Variants in HDAC10 observed in about 807,000 individuals in gnomAD.
The protein encoded by HDAC10 is polyamine deacetylase HDAC10.
HDAC10 carries 90 observed loss-of-function variants against 82.3 expected under a neutral mutation model. The observed-to-expected ratio is 1.09, with a 90% CI of 0.92 to 1.30. The LOEUF (loss-of-function observed/expected upper bound fraction) is 1.30, where lower values mean the gene tolerates loss of function less well. Among genes scored for constraint, HDAC10 ranks in the 50% most tolerant of loss-of-function variants. The pLI is 0.00. For synonymous variants in HDAC10, 456 were observed against 391.7 expected (o/e 1.16, Z -1.94); for missense variants, 934 against 876.3 (o/e 1.07, Z -0.83).
At chr22:50,246,224 A>G (rs977913666) in intron 17 of HDAC10, 74 bp downstream of exon 17, 60 of 1,527,478 alleles carry the variant, frequency 3.9e-5, no homozygotes, top group African/African-American at 3.3e-4. Context: ...TATCATGACA[A>G]TGCCAGCAAA....
rs1187750992 is a variant in HDAC10, at chr22:50,245,416, G to A, written c.*91C>T. ...CGGGGTTCCGTGCCCCAGAGTCGAG[G>A]GAGCCGTGGGCTTGGGGTCCGGATC... On this transcript the variant is annotated 3_prime_UTR_variant, in exon 20 of 20. Transcript: ENST00000216271. 7 of 714,036 alleles carry A rather than the reference G, an allele frequency of 9.8e-6. No homozygotes were observed. The highest frequency in any genetic ancestry group is 1.6e-5 in the Non-Finnish European group (6 of 386,348). 44.2% of individuals were successfully genotyped at this position (714,036 alleles called of 1,614,324 possible).
rs760352851 is a variant in HDAC10, at chr22:50,245,821, T to G, written c.1840A>C (p.Thr614Pro). Residue 614 changes from threonine to proline, a missense_variant, in exon 19 of 20, where the codon ACA (threonine) becomes CCA (proline). Thr to Pro is a conservative substitution (Grantham distance 38). Transcript: ENST00000216271. ...RVLALLEENS[T>P]PQLAGILARV... ...GCCAGGATCCCTGCTAGCTGGGGTG[T>G]GGAGTTCTGGACCAGGGGCGAAGAC... is the stretch of plus-strand genomic sequence containing the variant. 1.3e-5 allele frequency: 21 copies of G among 1,571,046 alleles called. No homozygotes were observed. The highest frequency in any genetic ancestry group is 1.7e-5 in the Non-Finnish European group (20 of 1,158,248).
rs931705298 is a variant in HDAC10, at chr22:50,245,448, G to C, written c.*59C>G. 1.5e-4 allele frequency: 108 copies of C among 742,706 alleles called. No individual in the cohort carries two copies. Among genetic ancestry groups the C allele is most frequent in the Middle Eastern group, 3.5e-4 (1 of 2,852 alleles). 46.0% of individuals were successfully genotyped at this position (742,706 alleles called of 1,614,324 possible). A position where few individuals can be genotyped will look rare whatever the true frequency, so the allele number is the denominator to read the frequency against. On this transcript the variant is annotated 3_prime_UTR_variant, in exon 20 of 20. Coordinates refer to ENST00000216271, the MANE Select transcript of HDAC10 (RefSeq NM_032019.6). ...TGGGCTTGGGGTCCGGATCGCGGCC[G>C]CGGGGCGCTGGCGTGCGGTGTCATT...
Position 50,251,090 on chromosome 22 carries a change from G to A in HDAC10, c.-58C>T. Reference sequence around the variant, plus strand: ...GCCCTCGCTAGTGGTGCCTGCCACTGCCTGTCCCCACCTTCGGCCGGGAGC... The same window carrying A: ...GCCCTCGCTAGTGGTGCCTGCCACTACCTGTCCCCACCTTCGGCCGGGAGC... On this transcript the variant is annotated 5_prime_UTR_variant, in exon 1 of 20. Coordinates refer to ENST00000216271, the MANE Select transcript of HDAC10 (RefSeq NM_032019.6). 6.6e-7 allele frequency: 1 copy of A among 1,521,892 alleles called. No homozygotes were observed. The highest frequency in any genetic ancestry group is 9.0e-7 in the Non-Finnish European group (1 of 1,112,232). 94.3% of individuals were successfully genotyped at this position (1,521,892 alleles called of 1,614,324 possible).
At chr22:50,250,396 T>C in intron 3 of HDAC10, 31 bp downstream of exon 3, 2 of 1,600,350 alleles carry the variant, frequency 1.2e-6, no homozygotes, top group Non-Finnish European at 1.7e-6. Flanking sequence ...CATGTGTGTC[T>C]GCACAGGTGA....
chr22:50,247,819 C>T (rs2064992696), intron 13 of HDAC10, 43 bp from the exon 14 acceptor site: 7 of 1,612,468 alleles, frequency 4.3e-6, no homozygotes, highest in East Asian at 4.5e-5. Context: ...ACGGAGTGAC[C>T]GCAGGTCAGG....
rs2065035681 is a variant in HDAC10 at position 50,249,538 on chromosome 22, G to A, written c.564-84C>T. 11 of 1,605,784 alleles carry A rather than the reference G, an allele frequency of 6.9e-6. No homozygotes were observed. The highest frequency in any genetic ancestry group is 8.5e-6 in the Non-Finnish European group (10 of 1,174,686). ...CTCCCTGTAGAACGCTGACCCCTGA[G>A]CACATGTCTGTATCTCACCCCTGGA... On this transcript the variant is annotated intron_variant, in intron 6 of 19. Coordinates refer to ENST00000216271, the MANE Select transcript of HDAC10 (RefSeq NM_032019.6). The surrounding 1 kb of genome is among the most constrained non-coding windows in gnomAD (Gnocchi z 4.4).
chr22:50,250,464 G>C lies in HDAC10; in HGVS notation c.254C>G (p.Ala85Gly), dbSNP rs186782930. 1.2e-6 allele frequency: 2 copies of C among 1,612,980 alleles called. No homozygotes were observed. The highest frequency in any genetic ancestry group is 1.7e-6 in the Non-Finnish European group (2 of 1,179,966). The change falls in exon 3 of 20, where the codon GCG (alanine) becomes GGG (glycine). Residue 85 changes from alanine to glycine, a missense_variant. Transcript: ENST00000216271. ...TQVLGKEELQ[A>G]LSGQFDAIYF... is the part of the protein sequence containing the mutation. ...GATGGCGTCGAACTGTCCGGACAGC[G>C]CCTGCAGCTCCTCCTTGCCTAGGAC...
chr22:50,249,799 C>G lies in HDAC10; in HGVS notation c.494+61G>C. 6.2e-7 allele frequency: 1 copy of G among 1,601,848 alleles called. No individual in the cohort carries two copies. The highest frequency in any genetic ancestry group is 8.5e-7 in the Non-Finnish European group (1 of 1,171,924). Reference sequence around the variant, plus strand: ...AGGTGCTGGCTGGGTTCTCTCGCCTCCTGCGCTGCCCCTTGCTGTGTGGCC... The same window carrying G: ...AGGTGCTGGCTGGGTTCTCTCGCCTGCTGCGCTGCCCCTTGCTGTGTGGCC... On this transcript the variant is annotated intron_variant, in intron 5 of 19. Coordinates refer to ENST00000216271, the MANE Select transcript of HDAC10 (RefSeq NM_032019.6). This position sits in a 1 kb window ranked among gnomAD's most constrained non-coding sequence, Gnocchi z 4.4.
Position 50,250,895 on chromosome 22 carries a change from C to G in HDAC10, c.70G>C (p.Glu24Gln). ...TRLLWDDPEC[E>Q]IERPERLTAA... ...GTCAGGCGCTCAGGACGCTCGATCT[C>G]GCACTCGGGGCTGGGGCAGATGAGG... The change falls in exon 2 of 20, where the codon GAG becomes CAG. Residue 24 changes from glutamate to glutamine, a missense_variant. Coordinates refer to ENST00000216271, the MANE Select transcript of HDAC10 (RefSeq NM_032019.6). 2.5e-6 allele frequency: 4 copies of G among 1,602,476 alleles called. No homozygotes were observed. The highest frequency in any genetic ancestry group is 3.4e-6 in the Non-Finnish European group (4 of 1,174,702).
Position 50,245,235 on chromosome 22 carries a change from C to CG in HDAC10, c.*271dup. 1.8e-6 allele frequency: 1 copy of CG among 567,342 alleles called. No homozygotes were observed. The highest frequency in any genetic ancestry group is 3.1e-6 in the Non-Finnish European group (1 of 322,650). 35.1% of individuals were successfully genotyped at this position (567,342 alleles called of 1,614,324 possible). A position where few individuals can be genotyped will look rare whatever the true frequency, so the allele number is the denominator to read the frequency against. Reference sequence around the variant, plus strand: ...CGCAAGGGCGGGGAGCGAAGCGCAGCGGGGCGCAGGGGCCGGAACGGGACC... The same window carrying CG: ...CGCAAGGGCGGGGAGCGAAGCGCAGCGGGGGCGCAGGGGCCGGAACGGGACC... On this transcript the variant is annotated 3_prime_UTR_variant, in exon 20 of 20. Transcript: ENST00000216271.
rs375914044 is a variant in HDAC10, at chr22:50,248,314, C to T, written c.1014-22G>A. 17 of 1,611,936 alleles carry T rather than the reference C, an allele frequency of 1.1e-5. No homozygotes were observed. The highest frequency in any genetic ancestry group is 3.3e-5 in the South Asian group (3 of 91,030). On this transcript the variant is annotated intron_variant, in intron 11 of 19. Coordinates refer to ENST00000216271, the MANE Select transcript of HDAC10 (RefSeq NM_032019.6). The surrounding 1 kb of genome is among the most constrained non-coding windows in gnomAD (Gnocchi z 5.4). ...GGCACTGTGAGGGAGACACAACAGT[C>T]GTGACACCTGGTCTCACACCCCGGC...
chr22:50,248,274 C>G lies in HDAC10; in HGVS notation c.1032G>C (p.Gln344His), dbSNP rs2065003014. The change falls in exon 12 of 20, where the codon CAG (glutamine) becomes CAC (histidine). Residue 344 changes from glutamine (Q) to histidine (H), a missense_variant. Transcript: ENST00000216271. This position sits in a 1 kb window ranked among gnomAD's most constrained non-coding sequence, Gnocchi z 5.4. Reference protein sequence around the residue: ...APCQSALESIQSARAAQAPHW... With the variant: ...APCQSALESIHSARAAQAPHW... ...GCGGGGCCTGGGCAGCACGGGCACT[C>G]TGGATGGACTCTAGGGCACTGTGAG... The G allele has an allele frequency of 6.2e-7, 1 of 1,612,516 alleles. No individual in the cohort carries two copies. Among genetic ancestry groups the G allele is most frequent in the Non-Finnish European group, 8.5e-7 (1 of 1,179,912 alleles).
In HDAC10 at chr22:50,250,490, C is replaced by T. The variant is rs1461182265; in HGVS notation, c.228G>A (p.Gln76=). ...PEYVSLVRET[Q]VLGKEELQAL... ...CCTGCAGCTCCTCCTTGCCTAGGAC[C>T]TGGGTCTCCCTGACCAGGGATACAT... Residue 76 remains glutamine (Q), a synonymous_variant, in exon 3 of 20, where the codon CAG becomes CAA. Coordinates refer to ENST00000216271, the MANE Select transcript of HDAC10 (RefSeq NM_032019.6). The T allele has an allele frequency of 1.2e-6, 2 of 1,612,880 alleles. No individual in the cohort carries two copies. The highest frequency in any genetic ancestry group is 1.1e-5 in the South Asian group (1 of 91,088).
intron 14 of HDAC10, 169 bp from the exon 15 acceptor site, chr22:50,247,135 TAA>T: frequency 2.2e-6 from 1 of 465,010 alleles, no homozygotes; most frequent in Non-Finnish European, 3.7e-6. Flanking sequence ...CTTACGTCTA[TAA>T]TTTTTTTTTT....
intron 3 of HDAC10, 53 bp downstream of exon 3, chr22:50,250,374 C>CA: frequency 6.4e-7 from 1 of 1,558,414 alleles, no homozygotes; most frequent in South Asian, 1.1e-5. Context: ...TGTGAACGCT[C>CA]AAAGGCACGT....
Position 50,250,854 on chromosome 22 carries a change from G to A in HDAC10, c.111C>T (p.Arg37=). The A allele has an allele frequency of 1.2e-6, 2 of 1,601,918 alleles. No individual in the cohort carries two copies. The highest frequency in any genetic ancestry group is 1.3e-5 in the African/African-American group (1 of 74,742). ...TCTGTTCCAGGCCGCGCTGCCGCAG[G>A]CGATCCAGGGCTGCGGTCAGGCGCT... ...RPERLTAALD[R]LRQRGLEQRC... Residue 37 remains arginine, a synonymous_variant, in exon 2 of 20, where the codon CGC becomes CGT. Transcript: ENST00000216271.
chr22:50,246,837 C>G (rs768551282), intron 15 of HDAC10, 38 bp downstream of exon 15: 1 of 1,597,278 alleles, frequency 6.3e-7, no homozygotes, highest in Non-Finnish European at 8.6e-7. Flanking sequence ...CCCACAGGTC[C>G]TGCCGTCAGA....
In HDAC10 at chr22:50,248,584, C is replaced by T. The variant is rs1031793195; in HGVS notation, c.906+78G>A. 2.6e-5 allele frequency: 38 copies of T among 1,470,276 alleles called. No homozygotes were observed. Among genetic ancestry groups the T allele is most frequent in the Middle Eastern group, 1.8e-4 (1 of 5,552 alleles). 91.1% of individuals were successfully genotyped at this position (1,470,276 alleles called of 1,614,324 possible). ...GGCAGGACGCCCCTCCCAAATACCCCGTGGGCACCTGGCTCCCATGCTCCT... is the reference window on the plus strand; with the variant it reads ...GGCAGGACGCCCCTCCCAAATACCCTGTGGGCACCTGGCTCCCATGCTCCT... On this transcript the variant is annotated intron_variant, in intron 10 of 19. Coordinates refer to ENST00000216271, the MANE Select transcript of HDAC10 (RefSeq NM_032019.6). This position sits in a 1 kb window ranked among gnomAD's most constrained non-coding sequence, Gnocchi z 5.4.
Sources: allele counts gnomAD v4.1 joint callset, GRCh38; gene constraint gnomAD v4.1.1; non-coding constraint Gnocchi (gnomAD v3.1); transcripts MANE v1.5; gene names NCBI Gene and HGNC (gene_info 2026-07-23, HGNC 2026-07-21).